Variants in DGAT2 observed in about 807,000 individuals in gnomAD.
DGAT2 encodes diacylglycerol O-acyltransferase 2, also known as acyl-CoA retinol O-fatty-acyltransferase.
A neutral mutation model predicts 48.4 loss-of-function variants in DGAT2; 33 were observed. The observed-to-expected ratio is 0.68, with a 90% CI of 0.52 to 0.91. DGAT2 has a LOEUF of 0.91. DGAT2 is among the 40% of genes least tolerant of loss of function. The pLI is 0.00. For missense variants in DGAT2, 446 were observed against 493.7 expected (o/e 0.90, Z 0.92); for synonymous variants, 191 against 194.1 (o/e 0.98, Z 0.13).
At chr11:75,787,218 A>G (rs1401669573) in intron 2 of DGAT2, among the ~76,000 whole-genome samples, 1 of 152,244 alleles carries the variant, frequency 6.6e-6, no homozygotes, top group Non-Finnish European at 1.5e-5. Flanking sequence ...GAAAATTTAG[A>G]TGTCATTTGT....
intron 1 of DGAT2, among the ~76,000 whole-genome samples, chr11:75,782,480 C>T (rs973647122): frequency 4.6e-5 from 7 of 152,202 alleles, no homozygotes; most frequent in African/African-American, 1.2e-4. Flanking sequence ...AACCAGCCTC[C>T]GGTGGCCATG....
intron 1 of DGAT2, among the ~76,000 whole-genome samples, chr11:75,781,360 T>C (rs1051309880): frequency 2.6e-5 from 4 of 152,254 alleles, no homozygotes; most frequent in Non-Finnish European, 5.9e-5. Context: ...GAAGGGCCTC[T>C]GCCTAGAATA....
At chr11:75,786,621 C>A (rs2135770431) in intron 2 of DGAT2, among the ~76,000 whole-genome samples, 1 of 152,344 alleles carries the variant, frequency 6.6e-6, no homozygotes, top group South Asian at 2.1e-4. Flanking sequence ...CTCGCCTGGC[C>A]TCACCTCGCC....
intron 7 of DGAT2, among the ~76,000 whole-genome samples, chr11:75,798,674 G>A (rs1945081805): frequency 6.6e-6 from 1 of 152,136 alleles, no homozygotes; most frequent in Non-Finnish European, 1.5e-5. Context: ...GCAGTCTCTG[G>A]GTTTGCAGCA....
chr11:75,770,167 A>G (rs1944743360), intron 1 of DGAT2, among the ~76,000 whole-genome samples: 1 of 152,228 alleles, frequency 6.6e-6, no homozygotes, highest in Non-Finnish European at 1.5e-5. Context: ...AGATATAGTT[A>G]TGAATCTTGT....
chr11:75,796,063 C>T (rs1330256410), intron 4 of DGAT2: 3 of 464,106 alleles, frequency 6.5e-6, no homozygotes, highest in Non-Finnish European at 1.2e-5. Context: ...AGAAGAGCTG[C>T]TGTGTGCATG....
At chr11:75,780,053 T>G (rs978530515) in intron 1 of DGAT2, among the ~76,000 whole-genome samples, 1 of 152,148 alleles carries the variant, frequency 6.6e-6, no homozygotes, top group Non-Finnish European at 1.5e-5. Context: ...CCAAGTAAAG[T>G]GACATTGGTG....
At chr11:75,794,449 A>C (rs1051401628) in intron 4 of DGAT2, 2 of 152,274 alleles carry the variant, frequency 1.3e-5, no homozygotes, top group East Asian at 3.8e-4. Flanking sequence ...GCAGCCAAAA[A>C]GACCAACGTG....
At chr11:75,772,851 G>A (rs1428400675) in intron 1 of DGAT2, among the ~76,000 whole-genome samples, 1 of 152,146 alleles carries the variant, frequency 6.6e-6, no homozygotes, top group Non-Finnish European at 1.5e-5. Context: ...TTAGCCAGGT[G>A]TGGTGGTGTG....
intron 1 of DGAT2, among the ~76,000 whole-genome samples, chr11:75,781,947 C>T (rs1944869130): frequency 6.6e-6 from 1 of 152,140 alleles, no homozygotes; most frequent in African/African-American, 2.4e-5. Context: ...TAGGTCTTCT[C>T]AGTTGTTTCA....
Position 75,790,713 on chromosome 11 carries a change from A to G in DGAT2, c.411A>G (p.Arg137=). ...ACTGGGCTGTGTGGCGCTACTTTCG[A>G]GACTACTTTCCCATCCAGGTAAAGT... ...VRNWAVWRYF[R]DYFPIQLVKT... The change falls in exon 4 of 8, where the codon CGA becomes CGG. Residue 137 remains arginine, a synonymous_variant. Transcript: ENST00000228027. The G allele has an allele frequency of 6.2e-7, 1 of 1,614,036 alleles. No homozygotes were observed. The highest frequency in any genetic ancestry group is 8.5e-7 in the Non-Finnish European group (1 of 1,180,032).
chr11:75,791,624 A>G (rs900425893), intron 4 of DGAT2, among the ~76,000 whole-genome samples: 102 of 152,320 alleles, frequency 6.7e-4, no homozygotes, highest in African/African-American at 2.3e-3. Flanking sequence ...TTCAGGGCCC[A>G]GGTTCTTTTC....
intron 1 of DGAT2, among the ~76,000 whole-genome samples, chr11:75,771,169 A>G (rs541782607): frequency 6.6e-6 from 1 of 152,188 alleles, no homozygotes; most frequent in African/African-American, 2.4e-5. Flanking sequence ...CTTGGCCAAA[A>G]AAAAAGGCCA....
intron 2 of DGAT2, among the ~76,000 whole-genome samples, chr11:75,787,083 G>C (rs1944930431): frequency 6.6e-6 from 1 of 151,938 alleles, no homozygotes; most frequent in Non-Finnish European, 1.5e-5. Flanking sequence ...TAAGATATCT[G>C]CAACTGCTAC....
intron 1 of DGAT2, among the ~76,000 whole-genome samples, chr11:75,777,786 C>T (rs893126331): frequency 6.6e-6 from 1 of 152,232 alleles, no homozygotes; most frequent in African/African-American, 2.4e-5. Context: ...TCTACCAGTG[C>T]TTCGCCATGT....
intron 2 of DGAT2, among the ~76,000 whole-genome samples, chr11:75,786,066 C>T (rs140006041): frequency 1.1e-4 from 16 of 152,250 alleles, no homozygotes; most frequent in African/African-American, 3.9e-4. Flanking sequence ...AAATTAGATG[C>T]AAGATTATAT....
intron 2 of DGAT2, among the ~76,000 whole-genome samples, chr11:75,785,043 A>G (rs1056854465): frequency 6.6e-6 from 1 of 152,128 alleles, no homozygotes; most frequent in African/African-American, 2.4e-5. Context: ...ACAGATTTGA[A>G]TCCCTGTCTA....
chr11:75,796,673 G>A, intron 5 of DGAT2, 141 bp downstream of exon 5: 1 of 822,470 alleles, frequency 1.2e-6, no homozygotes. Context: ...CTTCAGACAT[G>A]GTGGGTCAGG....
chr11:75,780,244 C>T (rs1050052974), intron 1 of DGAT2, among the ~76,000 whole-genome samples: 12 of 152,232 alleles, frequency 7.9e-5, no homozygotes, highest in Admixed American at 2.0e-4. Context: ...CCAGCTTCTG[C>T]TGGACTCCTC....
Sources: allele counts gnomAD v4.1 joint callset (sites outside exome capture counted in the v4.1 genomes callset), GRCh38; gene constraint gnomAD v4.1.1; transcripts MANE v1.5; gene names NCBI Gene and HGNC (gene_info 2026-07-23, HGNC 2026-07-21).